Variants in CSMD2 observed in about 807,000 individuals in gnomAD.
CSMD2 encodes CUB and Sushi multiple domains 2.
A neutral mutation model predicts 398.5 loss-of-function variants in CSMD2; 130 were observed. The observed-to-expected ratio is 0.33, with a 90% CI of 0.28 to 0.38. The LOEUF is 0.38. CSMD2 is among the 10% of genes least tolerant of loss of function. The probability of loss-of-function intolerance (pLI) is 1.00; values close to 1 mark genes in which losing one functional copy is unlikely to be tolerated. For missense variants in CSMD2, 3,829 were observed against 4,764.9 expected (o/e 0.80, Z 5.78); for synonymous variants, 1,828 against 1,908.5 (o/e 0.96, Z 1.10).
At chr1:33,648,065 C>G (rs1181163617) in intron 28 of CSMD2, among the ~76,000 whole-genome samples, 2 of 152,122 alleles carry the variant, frequency 1.3e-5, no homozygotes, top group Non-Finnish European at 2.9e-5. Flanking sequence ...CAGCTGCAGA[C>G]AAAAGCAGGG....
chr1:33,622,254 G>C lies in CSMD2; in HGVS notation c.5740C>G (p.Leu1914Val), dbSNP rs1365794617. ...AGCTGGTTGGAGGTGCTGTTCAGAA[G>C]GGCAGGCACGGTTGTTCCTAGGGCA... ...GSFSGTTVPA[L>V]LNSTSNQLYL... Residue 1914 changes from leucine to valine, a missense_variant, in exon 37 of 71, where the codon CTT (leucine) becomes GTT (valine). Coordinates refer to ENST00000373381, the MANE Select transcript of CSMD2 (RefSeq NM_001281956.2). 6.2e-7 allele frequency: 1 copy of C among 1,613,976 alleles called. No homozygotes were observed. Among genetic ancestry groups the C allele is most frequent in the Non-Finnish European group, 8.5e-7 (1 of 1,179,898 alleles).
intron 1 of CSMD2, among the ~76,000 whole-genome samples, chr1:34,139,075 T>C (rs1045443359): frequency 6.6e-6 from 1 of 152,202 alleles, no homozygotes; most frequent in African/African-American, 2.4e-5. Flanking sequence ...TAAAACCACA[T>C]GCATACTACT....
chr1:34,101,557 G>A (rs55881600), intron 1 of CSMD2, among the ~76,000 whole-genome samples: 2,728 of 152,146 alleles, frequency 0.018, 50 homozygotes, highest in East Asian at 0.054. Context: ...TGTCTTATTT[G>A]GAAACTTTTT....
At chr1:34,020,830 G>A (rs184589415) in intron 3 of CSMD2, among the ~76,000 whole-genome samples, 23 of 152,176 alleles carry the variant, frequency 1.5e-4, no homozygotes, top group African/African-American at 4.3e-4. Context: ...TGAGCATGTC[G>A]AAGGTGCTCG....
intron 1 of CSMD2, among the ~76,000 whole-genome samples, chr1:34,092,820 G>A (rs1046293808): frequency 5.3e-5 from 8 of 151,620 alleles, no homozygotes; most frequent in Non-Finnish European, 7.4e-5. Flanking sequence ...AGGCAGCAGC[G>A]AGGCTGGGGG....
chr1:33,882,245 G>A (rs12058145), intron 5 of CSMD2: 19,598 of 152,294 alleles, frequency 0.13, 1,871 homozygotes, highest in African/African-American at 0.27. Flanking sequence ...GTGAGTACTG[G>A]TATCCACGGG....
In CSMD2 at chr1:33,519,478, C is replaced by A. The variant is rs767914404; in HGVS notation, c.*40G>T. The stretch of plus-strand genomic sequence containing the variant: ...ACCCCTGCTCACCGGCTGCTGGAGG[C>A]GGGGCTCTCGGTGGCGGTGGTGGCG... On this transcript the variant is annotated 3_prime_UTR_variant, in exon 70 of 71. Transcript: ENST00000373381. This position sits in a 1 kb window ranked among gnomAD's most constrained non-coding sequence, Gnocchi z 5.6. 1.9e-6 allele frequency: 3 copies of A among 1,598,854 alleles called. No homozygotes were observed. Among genetic ancestry groups the A allele is most frequent in the Non-Finnish European group, 8.5e-7 (1 of 1,172,578 alleles).
intron 2 of CSMD2, among the ~76,000 whole-genome samples, chr1:34,079,040 G>A (rs1030848029): frequency 5.3e-5 from 8 of 151,978 alleles, no homozygotes; most frequent in African/African-American, 1.2e-4. Context: ...CCCCACGGTC[G>A]CCAGTCTGCC....
intron 12 of CSMD2, among the ~76,000 whole-genome samples, chr1:33,783,238 T>C (rs529888425): frequency 9.2e-5 from 14 of 152,180 alleles, no homozygotes; most frequent in Admixed American, 4.6e-4. Context: ...TTTTGGATGG[T>C]ATTACGGACT....
chr1:33,742,736 GA>G, intron 14 of CSMD2, among the ~76,000 whole-genome samples: 1 of 152,268 alleles, frequency 6.6e-6, no homozygotes, highest in East Asian at 1.9e-4. Flanking sequence ...AATTCCCTAA[GA>G]GTTGTCCCCA....
At chr1:33,912,092 G>T (rs940451568) in intron 5 of CSMD2, among the ~76,000 whole-genome samples, 4 of 152,290 alleles carry the variant, frequency 2.6e-5, no homozygotes, top group Admixed American at 2.0e-4. Flanking sequence ...TCTGAGCCCT[G>T]GAAGGTGCTC....
In CSMD2 at chr1:33,891,858, A is replaced by C. The variant is rs528437732; in HGVS notation, c.920+26236T>G. 2.5e-3 allele frequency among the ~76,000 whole-genome samples: 324 copies of C among 131,314 alleles called. 3 individuals carry two copies. Among genetic ancestry groups the C allele is most frequent in the African/African-American group, 9.1e-3 (313 of 34,400 alleles). The allele number at this position is 131,314 out of a possible 152,430, so 86.1% of individuals were successfully genotyped here. ...GGTGGAAATTGAACACTGAGAACAC[A>C]TGGACACAGGAAGGGGAACATCACA... is the stretch of plus-strand genomic sequence containing the variant. On this transcript the variant is annotated intron_variant, in intron 5 of 70. Coordinates refer to ENST00000373381, the MANE Select transcript of CSMD2 (RefSeq NM_001281956.2).
intron 5 of CSMD2, among the ~76,000 whole-genome samples, chr1:33,877,467 C>A (rs777263100): frequency 1.3e-5 from 2 of 152,160 alleles, no homozygotes; most frequent in Non-Finnish European, 2.9e-5. Flanking sequence ...TCACCATCAA[C>A]CTTTGTGAGG....
intron 65 of CSMD2, 80 bp from the exon 66 acceptor site, chr1:33,525,123 C>A (rs1654658429): frequency 1.4e-6 from 2 of 1,410,850 alleles, no homozygotes; most frequent in Non-Finnish European, 2.0e-6. Context: ...CTGATCCCAG[C>A]CCACTCACTG....
chr1:33,951,788 G>T (rs914423522), intron 3 of CSMD2, among the ~76,000 whole-genome samples: 1 of 152,102 alleles, frequency 6.6e-6, no homozygotes, highest in Non-Finnish European at 1.5e-5. Flanking sequence ...TTTTCCTCCC[G>T]CTACTTCCAT....
chr1:33,623,673 A>G (rs1173642797), intron 35 of CSMD2, among the ~76,000 whole-genome samples: 2 of 152,256 alleles, frequency 1.3e-5, no homozygotes, highest in Non-Finnish European at 2.9e-5. Context: ...AGATGTGGAA[A>G]AAAATGATTA....
intron 11 of CSMD2, 98 bp downstream of exon 11, chr1:33,792,325 G>T: frequency 1.3e-6 from 1 of 797,524 alleles, no homozygotes; most frequent in Non-Finnish European, 2.3e-6. Context: ...TGTCTTTGCT[G>T]TAGTATGGTC....
intron 1 of CSMD2, among the ~76,000 whole-genome samples, chr1:34,101,902 T>C (rs1173842667): frequency 2.0e-5 from 3 of 152,208 alleles, no homozygotes; most frequent in Non-Finnish European, 4.4e-5. Flanking sequence ...CTTACTATTT[T>C]TCTTGTTAAT....
At chr1:33,823,406 T>A (rs1044561429) in intron 7 of CSMD2, among the ~76,000 whole-genome samples, 5 of 134,556 alleles carry the variant, frequency 3.7e-5, no homozygotes, top group African/African-American at 1.1e-4. Flanking sequence ...TTTTTTTTTT[T>A]AATTCCAGTC....
Sources: gnomAD v4.1 joint callset for allele counts (sites outside exome capture counted in the v4.1 genomes callset) on GRCh38, gnomAD v4.1.1 for gene constraint, Gnocchi (gnomAD v3.1) non-coding constraint, MANE v1.5 for transcripts, NCBI Gene and HGNC (gene_info 2026-07-23, HGNC 2026-07-21) for gene names.